Variants in CRYBG1 observed in about 807,000 individuals in gnomAD.
CRYBG1 encodes the protein beta/gamma crystallin domain-containing protein 1.
A neutral mutation model predicts 189.2 loss-of-function variants in CRYBG1; 139 were observed. The ratio of observed to expected loss-of-function variants is 0.73; its 90% CI spans 0.64 to 0.85. The LOEUF (loss-of-function observed/expected upper bound fraction) is 0.85. Among genes scored for constraint, CRYBG1 ranks in the 40% least tolerant of loss-of-function variants. The pLI is 0.00. For synonymous variants in CRYBG1, 1,023 were observed against 1,017.1 expected (o/e 1.01, Z -0.11); for missense variants, 2,611 against 2,675.8 (o/e 0.98, Z 0.53).
chr6:106,530,017 G>A (rs1040034384), intron 7 of CRYBG1, among the ~76,000 whole-genome samples, 159 bp from the exon 8 acceptor site: 1 of 152,174 alleles, frequency 6.6e-6, no homozygotes, highest in Non-Finnish European at 1.5e-5. Context: ...TTAATTCATG[G>A]ATGAAAACAG....
chr6:106,409,215 C>T (rs1770879815), intron 1 of CRYBG1, among the ~76,000 whole-genome samples: 2 of 152,062 alleles, frequency 1.3e-5, no homozygotes, highest in Admixed American at 6.6e-5. Context: ...ACAAGCATTC[C>T]TATACACCAA....
At chr6:106,561,524 G>A in intron 20 of CRYBG1, 24 bp downstream of exon 20, 1 of 1,597,222 alleles carries the variant, frequency 6.3e-7, no homozygotes, top group Non-Finnish European at 8.5e-7. Context: ...TTCCACGGGG[G>A]CCTGTGATGG....
At chr6:106,398,446 A>AAAATAAAT (rs534571209) in intron 1 of CRYBG1, among the ~76,000 whole-genome samples, 11 of 152,072 alleles carry the variant, frequency 7.2e-5, no homozygotes, top group Admixed American at 3.3e-4. Context: ...CTTGTCTCAA[A>AAAATAAAT]AAATAAATAA....
rs748008007 is a variant in CRYBG1, at chr6:106,512,047, C to T, written c.930C>T (p.Gly310=). Residue 310 remains glycine (G), a synonymous_variant, in exon 3 of 22, where the codon GGC becomes GGT. Coordinates refer to ENST00000633556, the MANE Select transcript of CRYBG1 (RefSeq NM_001371242.2). Reference sequence around the variant, plus strand: ...AGGAGCGGCCCGCGGGAGGACTAGGCGAGGCCCCTAACGGAGCCCCCAGTG... The same window carrying T: ...AGGAGCGGCCCGCGGGAGGACTAGGTGAGGCCCCTAACGGAGCCCCCAGTG... ...PTQERPAGGL[G]EAPNGAPSVC... 36 of 1,531,828 alleles carry T rather than the reference C, an allele frequency of 2.4e-5. No individual in the cohort carries two copies. In the Middle Eastern group the frequency reaches 6.8e-4, roughly 29 times the overall value. 94.9% of individuals were successfully genotyped at this position (1,531,828 alleles called of 1,614,324 possible).
chr6:106,394,697 G>A (rs1048151203), intron 1 of CRYBG1, among the ~76,000 whole-genome samples: 1 of 152,180 alleles, frequency 6.6e-6, no homozygotes, highest in African/African-American at 2.4e-5. Flanking sequence ...GGAGTTAAAT[G>A]AACCATGTAA....
intron 17 of CRYBG1, among the ~76,000 whole-genome samples, chr6:106,556,628 G>A (rs1774552893): frequency 6.6e-6 from 1 of 152,178 alleles, no homozygotes; most frequent in Admixed American, 6.5e-5. Context: ...AAAACTGCAA[G>A]ATCATGTTGA....
intron 1 of CRYBG1, among the ~76,000 whole-genome samples, chr6:106,416,190 T>A (rs1771017399): frequency 6.6e-6 from 1 of 152,206 alleles, no homozygotes; most frequent in Non-Finnish European, 1.5e-5. Context: ...CAGAACATAC[T>A]GGCCAAACTC....
At chr6:106,503,827 C>T (rs1773064367) in intron 2 of CRYBG1, among the ~76,000 whole-genome samples, 5 of 151,850 alleles carry the variant, frequency 3.3e-5, no homozygotes, top group Admixed American at 2.6e-4. Context: ...TTAAAAGAAG[C>T]TTTTTGGGAG....
At chr6:106,536,975 A>G (rs1774018798) in intron 8 of CRYBG1, among the ~76,000 whole-genome samples, 1 of 152,244 alleles carries the variant, frequency 6.6e-6, no homozygotes, top group African/African-American at 2.4e-5. Flanking sequence ...CCCAGCATTA[A>G]TAAATGTCTG....
chr6:106,489,804 A>AAG (rs1554186007), intron 2 of CRYBG1, among the ~76,000 whole-genome samples: 15 of 148,486 alleles, frequency 1.0e-4, no homozygotes, highest in African/African-American at 3.7e-4. Flanking sequence ...AAAAAAAAAA[A>AAG]AAAGAAAGAA....
intron 2 of CRYBG1, among the ~76,000 whole-genome samples, chr6:106,500,202 C>T (rs1772972015): frequency 6.6e-6 from 1 of 152,058 alleles, no homozygotes; most frequent in African/African-American, 2.4e-5. Context: ...GGATTGCTGG[C>T]AGTTCTATTT....
At chr6:106,424,826 G>T (rs945483045) in intron 1 of CRYBG1, among the ~76,000 whole-genome samples, 3 of 152,108 alleles carry the variant, frequency 2.0e-5, no homozygotes, top group African/African-American at 7.2e-5. Context: ...CGTCACCACA[G>T]AAGTCCAGCC....
In CRYBG1 at chr6:106,511,595, C is replaced by G. The variant is rs776576502; in HGVS notation, c.478C>G (p.Leu160Val). 3.9e-6 allele frequency: 6 copies of G among 1,535,872 alleles called. No individual in the cohort carries two copies. The South Asian group carries it at 7.1e-5, about 18-fold the overall frequency. Reference protein sequence around the residue: ...SPKDVVASPKLPERESERSRS... With the variant: ...SPKDVVASPKVPERESERSRS... ...CAAAGATGTGGTAGCCTCTCCTAAG[C>G]TCCCAGAGAGAGAGAGTGAGAGGAG... Residue 160 changes from leucine to valine, a missense_variant, in exon 3 of 22, where the codon CTC becomes GTC. By Grantham distance (32) the Leu-to-Val change is conservative. This residue lies in a region of CRYBG1 where 985 missense variants were observed against 924.4 expected (regional missense o/e 1.07). Transcript: ENST00000633556.
chr6:106,437,806 A>G (rs1163787056), intron 1 of CRYBG1, among the ~76,000 whole-genome samples: 2 of 152,132 alleles, frequency 1.3e-5, no homozygotes, highest in Non-Finnish European at 2.9e-5. Context: ...ATATGCCATA[A>G]TACGCTCCTA....
chr6:106,380,015 C>T (rs938716435), intron 1 of CRYBG1, among the ~76,000 whole-genome samples: 1 of 152,212 alleles, frequency 6.6e-6, no homozygotes. Flanking sequence ...TTGACTCTCA[C>T]TTACTTTGTG....
intron 2 of CRYBG1, among the ~76,000 whole-genome samples, chr6:106,459,928 T>C (rs1476158098): frequency 1.3e-5 from 2 of 152,236 alleles, no homozygotes; most frequent in Non-Finnish European, 2.9e-5. Context: ...ATGTTATATA[T>C]ACTAATATTT....
chr6:106,442,451 C>A (rs1771582399), intron 1 of CRYBG1, among the ~76,000 whole-genome samples: 1 of 152,122 alleles, frequency 6.6e-6, no homozygotes, highest in Non-Finnish European at 1.5e-5. Context: ...GCAGATGATG[C>A]ATATTAAAGA....
intron 21 of CRYBG1, among the ~76,000 whole-genome samples, chr6:106,564,167 AAAC>A (rs151038275): frequency 2.4e-4 from 37 of 151,800 alleles, no homozygotes; most frequent in African/African-American, 7.2e-4. Flanking sequence ...TTTACAGACA[AAAC>A]AACAACAACA....
In CRYBG1 at chr6:106,561,419, G is replaced by T; in HGVS notation, c.6057G>T (p.Lys2019Asn). 1 of 1,614,158 alleles carries T rather than the reference G, an allele frequency of 6.2e-7. No homozygotes were observed. Among genetic ancestry groups the T allele is most frequent in the African/African-American group, 1.3e-5 (1 of 75,046 alleles). The change falls in exon 20 of 22, where the codon AAG becomes AAT. Residue 2019 changes from lysine (K) to asparagine (N), a missense_variant. Physicochemically the swap from Lys to Asn is moderately conservative, Grantham distance 94. Transcript: ENST00000633556. Reference sequence around the variant, plus strand: ...CCAATGGAAACTTAGAGGATCTGAAGCTTCTGAGGATACAGGTCATGGAGG... The same window carrying T: ...CCAATGGAAACTTAGAGGATCTGAATCTTCTGAGGATACAGGTCATGGAGG... ...MSTNGNLEDLKLLRIQVMEDV... is the reference protein window; with the variant it reads ...MSTNGNLEDLNLLRIQVMEDV...
Sources: allele counts gnomAD v4.1 joint callset (sites outside exome capture counted in the v4.1 genomes callset), GRCh38; gene constraint gnomAD v4.1.1; regional missense constraint gnomAD v4.1.1; transcripts MANE v1.5; gene names NCBI Gene and HGNC (gene_info 2026-07-23, HGNC 2026-07-21).